The following CNTNAP2 variants were observed in gnomAD, a reference collection of about 807,000 sequenced individuals.
CNTNAP2 encodes contactin associated protein 2.
CNTNAP2 carries 98 observed loss-of-function variants against 155.2 expected under a neutral mutation model. The ratio of observed to expected loss-of-function variants is 0.63; its 90% confidence interval spans 0.54 to 0.75. The LOEUF (loss-of-function observed/expected upper bound fraction) is 0.75. Among genes scored for constraint, CNTNAP2 ranks in the 30% least tolerant of loss-of-function variants. The probability of loss-of-function intolerance (pLI) is 0.00; values close to 1 mark genes in which losing one functional copy is unlikely to be tolerated. For missense variants in CNTNAP2, 1,727 were observed against 1,688.1 expected (o/e 1.02, Z -0.40); for synonymous variants, 651 against 631.2 (o/e 1.03, Z -0.47).
At chr7:146,587,204 G>A (rs1798705879) in intron 1 of CNTNAP2, among the ~76,000 whole-genome samples, 2 of 151,912 alleles carry the variant, frequency 1.3e-5, no homozygotes, top group Middle Eastern at 3.2e-3. Flanking sequence ...CCTTTCTTGG[G>A]GCCTGTGTAT....
intron 1 of CNTNAP2, among the ~76,000 whole-genome samples, chr7:146,269,513 G>T (rs551263314): frequency 1.3e-5 from 2 of 152,150 alleles, no homozygotes; most frequent in Non-Finnish European, 2.9e-5. Flanking sequence ...TTATAAACTT[G>T]AAATTTTATG....
At chr7:148,096,098 G>A (rs1421589900) in intron 15 of CNTNAP2, among the ~76,000 whole-genome samples, 1 of 152,078 alleles carries the variant, frequency 6.6e-6, no homozygotes, top group South Asian at 2.1e-4. Flanking sequence ...TATAAAAATG[G>A]ATCTTCCTAC....
At position 146,513,059 on chromosome 7, in the gene CNTNAP2, T is replaced by C. The variant is rs193048563; in HGVS notation, c.98-261212T>C. Among the ~76,000 whole-genome samples, 5 of 152,084 alleles carry C rather than the reference T, an allele frequency of 3.3e-5. No homozygotes were observed. The East Asian group carries it at 9.6e-4, about 29-fold the overall frequency. On this transcript the variant is annotated intron_variant, in intron 1 of 23. Coordinates refer to ENST00000361727, the MANE Select transcript of CNTNAP2 (RefSeq NM_014141.6). ...CATAGTGATCTTCTTTGTGTCTTTT[T>C]ACAGTTTTTTACTTGAAGTCTATTT...
chr7:146,248,146 A>C (rs1089605), intron 1 of CNTNAP2, among the ~76,000 whole-genome samples: 22 of 151,146 alleles, frequency 1.5e-4, no homozygotes, highest in African/African-American at 5.1e-4. Context: ...ATAAGGGATC[A>C]GGGCGCAGAG....
chr7:148,095,130 G>C (rs999147045), intron 15 of CNTNAP2, among the ~76,000 whole-genome samples: 2 of 152,150 alleles, frequency 1.3e-5, no homozygotes, highest in African/African-American at 2.4e-5. Context: ...AACTTCCTCC[G>C]TCCTGGACCA....
intron 14 of CNTNAP2, among the ~76,000 whole-genome samples, chr7:147,921,865 A>G (rs1800286595): frequency 6.6e-6 from 1 of 152,178 alleles, no homozygotes; most frequent in Non-Finnish European, 1.5e-5. Flanking sequence ...AGTACTTACT[A>G]TGCACAAAGG....
At chr7:147,137,197 G>C (rs1245975832) in intron 8 of CNTNAP2, among the ~76,000 whole-genome samples, 1 of 151,236 alleles carries the variant, frequency 6.6e-6, no homozygotes, top group East Asian at 2.0e-4. Context: ...GTATTTTTAT[G>C]TGGAATACTA....
chr7:146,188,224 A>G (rs763799561), intron 1 of CNTNAP2, among the ~76,000 whole-genome samples: 62 of 152,174 alleles, frequency 4.1e-4, no homozygotes, highest in Non-Finnish European at 8.1e-4. Context: ...AGTGACTGAT[A>G]CTGAATTCAG....
chr7:147,266,992 G>T (rs1804626251), intron 8 of CNTNAP2, among the ~76,000 whole-genome samples: 2 of 151,402 alleles, frequency 1.3e-5, no homozygotes, highest in Non-Finnish European at 1.5e-5. Flanking sequence ...TAACAGTAAG[G>T]GGCATGGAAG....
Position 147,964,324 on chromosome 7 carries a change from G to A in CNTNAP2, c.2256-13538G>A, listed in dbSNP as rs554832777. 3.3e-5 allele frequency among the ~76,000 whole-genome samples: 5 copies of A among 152,302 alleles called. No individual in the cohort carries two copies. The East Asian group carries it at 7.7e-4, about 24-fold the overall frequency. Reference sequence around the variant, plus strand: ...CGATCCATGGTGTCTCAATACGGCAGCCTGAGCAGACTAATCCAACAGTCT... The same window carrying A: ...CGATCCATGGTGTCTCAATACGGCAACCTGAGCAGACTAATCCAACAGTCT... On this transcript the variant is annotated intron_variant, in intron 14 of 23. Transcript: ENST00000361727.
At chr7:147,198,344 G>T (rs1802849778) in intron 8 of CNTNAP2, among the ~76,000 whole-genome samples, 1 of 141,288 alleles carries the variant, frequency 7.1e-6, no homozygotes, top group Non-Finnish European at 1.5e-5. Context: ...CAATTTTCCT[G>T]CCTCAGTCTC....
At chr7:148,368,258 G>A (rs1798821507) in intron 21 of CNTNAP2, among the ~76,000 whole-genome samples, 1 of 152,146 alleles carries the variant, frequency 6.6e-6, no homozygotes, top group African/African-American at 2.4e-5. Flanking sequence ...TTATCTGCAA[G>A]TTGAGGGGTG....
intron 3 of CNTNAP2, among the ~76,000 whole-genome samples, chr7:147,020,445 T>C (rs1798799321): frequency 6.6e-6 from 1 of 152,134 alleles, no homozygotes; most frequent in Non-Finnish European, 1.5e-5. Flanking sequence ...AGTTGTCTTA[T>C]TGAAACACTG....
At chr7:147,760,134 T>C (rs1039586448) in intron 13 of CNTNAP2, among the ~76,000 whole-genome samples, 4 of 152,138 alleles carry the variant, frequency 2.6e-5, no homozygotes, top group Non-Finnish European at 5.9e-5. Flanking sequence ...ATGACCTTTT[T>C]TAAAAATGTG....
chr7:147,967,127 A>C (rs1273316008), intron 14 of CNTNAP2, among the ~76,000 whole-genome samples: 1 of 152,192 alleles, frequency 6.6e-6, no homozygotes, highest in African/African-American at 2.4e-5. Context: ...TCCCTCTACT[A>C]ATCATGCAAA....
intron 3 of CNTNAP2, among the ~76,000 whole-genome samples, chr7:146,945,011 CT>C (rs1380164958): frequency 6.6e-6 from 1 of 151,836 alleles, no homozygotes; most frequent in Admixed American, 6.6e-5. Context: ...TTATATTTTT[CT>C]TCTGTGAACA....
At chr7:147,560,817 G>T (rs1232201906) in intron 11 of CNTNAP2, among the ~76,000 whole-genome samples, 1 of 147,576 alleles carries the variant, frequency 6.8e-6, no homozygotes, top group Non-Finnish European at 1.5e-5. Context: ...CTAGTATGCT[G>T]TTGTTTAAAT....
chr7:148,285,362 C>G (rs1317018384), intron 21 of CNTNAP2, among the ~76,000 whole-genome samples: 2 of 152,248 alleles, frequency 1.3e-5, no homozygotes, highest in Admixed American at 1.3e-4. Flanking sequence ...AACTGTTACT[C>G]CATCTTTATT....
chr7:147,673,477 T>A (rs1795820846), intron 13 of CNTNAP2, among the ~76,000 whole-genome samples: 1 of 152,200 alleles, frequency 6.6e-6, no homozygotes, highest in Non-Finnish European at 1.5e-5. Context: ...ATAGATTAAG[T>A]TGGAATAAAT....
Sources: gnomAD v4.1 joint callset for allele counts (sites outside exome capture counted in the v4.1 genomes callset) on GRCh38, gnomAD v4.1.1 for gene constraint, MANE v1.5 for transcripts, NCBI Gene and HGNC (gene_info 2026-07-23, HGNC 2026-07-21) for gene names.